The following OTOGL variants were observed in gnomAD, a reference collection of about 807,000 sequenced individuals.
The protein encoded by OTOGL is otogelin like.
OTOGL carries 285 observed loss-of-function variants against 318.5 expected under a neutral mutation model. The observed-to-expected ratio is 0.89, with a 90% CI of 0.81 to 0.99. The LOEUF (loss-of-function observed/expected upper bound fraction) is 0.99, where lower values mean the gene tolerates loss of function less well. OTOGL is among the 50% of genes least tolerant of loss of function. OTOGL has a pLI of 0.00. For synonymous variants in OTOGL, 987 were observed against 936.5 expected, an observed-to-expected ratio of 1.05 and a Z score of -0.99; for missense variants, 2,899 against 2,845.6, an observed-to-expected ratio of 1.02 and a Z score of -0.43.
In OTOGL at chr12:80,339,298, G is replaced by GTTTTTTTTTT. The variant is rs10715159; in HGVS notation, c.5050+50_5050+59dup. ...TGCCCTTCAAATCTTGATTTCGTCT[G>GTTTTTTTTTT]TTTTTTTTTTTTTTTTTTTTTTTTT... On this transcript the variant is annotated intron_variant, in intron 43 of 58. Transcript: ENST00000547103. 375 of 537,954 alleles carry GTTTTTTTTTT rather than the reference G, an allele frequency of 7.0e-4. 1 individual carries two copies. Among genetic ancestry groups the GTTTTTTTTTT allele is most frequent in the South Asian group, 2.4e-3 (76 of 31,310 alleles). 33.3% of individuals were successfully genotyped at this position (537,954 alleles called of 1,614,324 possible). A position where few individuals can be genotyped will look rare whatever the true frequency, so the allele number is the denominator to read the frequency against.
chr12:80,303,783 G>T (rs1456792051), intron 28 of OTOGL, among the ~76,000 whole-genome samples: 1 of 152,078 alleles, frequency 6.6e-6, no homozygotes, highest in Admixed American at 6.5e-5. Context: ...GAACAGCTTG[G>T]GAGAAACCAC....
intron 27 of OTOGL, among the ~76,000 whole-genome samples, chr12:80,298,422 A>G (rs1280170273): frequency 6.6e-6 from 1 of 152,162 alleles, no homozygotes. Context: ...CAGCTTTTAC[A>G]TCTGTAAATT....
At chr12:80,116,247 C>T (rs762482603) in intron 1 of OTOGL, among the ~76,000 whole-genome samples, 18 of 152,144 alleles carry the variant, frequency 1.2e-4, no homozygotes, top group African/African-American at 3.9e-4. Context: ...GTATCTGGGC[C>T]GGATAGCACC....
At chr12:80,184,822 C>A (rs1487926322) in intron 1 of OTOGL, among the ~76,000 whole-genome samples, 2 of 152,044 alleles carry the variant, frequency 1.3e-5, no homozygotes, top group East Asian at 3.8e-4. Flanking sequence ...CAAAAAGGGT[C>A]AAAAATAAAC....
At chr12:80,160,211 C>T (rs75927414) in intron 1 of OTOGL, among the ~76,000 whole-genome samples, 8,916 of 151,768 alleles carry the variant, frequency 0.059, 838 homozygotes, top group African/African-American at 0.2. Flanking sequence ...ACCAAGAACC[C>T]AAAGCAAATG....
chr12:80,249,311 C>G (rs1246896708), intron 11 of OTOGL, among the ~76,000 whole-genome samples: 2 of 151,342 alleles, frequency 1.3e-5, no homozygotes, highest in African/African-American at 4.9e-5. Context: ...TACTTTTGGT[C>G]TTTGATGATG....
Position 80,339,146 on chromosome 12 carries a change from A to G in OTOGL, c.4932A>G (p.Ser1644=). The change falls in exon 43 of 59, where the codon TCA becomes TCG. Residue 1644 remains serine (S), a synonymous_variant. Transcript: ENST00000547103. ...SQELSIEDSG[S]MYVITTPAGL... ...AACTGTCCATAGAGGATTCTGGTTC[A>G]ATGTATGTAATTACTACTCCAGCTG... The G allele has an allele frequency of 6.2e-7, 1 of 1,611,122 alleles. No individual in the cohort carries two copies. The highest frequency in any genetic ancestry group is 8.5e-7 in the Non-Finnish European group (1 of 1,177,498).
In OTOGL at chr12:80,370,636, A is replaced by G; in HGVS notation, c.6682A>G (p.Ile2228Val). Residue 2228 changes from isoleucine to valine, a missense_variant, in exon 56 of 59, where the codon ATT becomes GTT. This residue lies in a region of OTOGL where 289 missense variants were observed against 304.6 expected (regional missense o/e 0.95). Coordinates refer to ENST00000547103, the MANE Select transcript of OTOGL (RefSeq NM_001378609.3). ...ECVKTDEGAI[I>V]LNYTMVCPPF... ...TGTTAAAACTGATGAAGGAGCAATA[A>G]TTCTGAACTACACAATGGTCTGTCC... 1.9e-6 allele frequency: 3 copies of G among 1,596,644 alleles called. No individual in the cohort carries two copies. The highest frequency in any genetic ancestry group is 2.6e-6 in the Non-Finnish European group (3 of 1,168,570).
chr12:80,253,957 T>A (rs1881799877), intron 14 of OTOGL, among the ~76,000 whole-genome samples: 1 of 152,128 alleles, frequency 6.6e-6, no homozygotes. Flanking sequence ...TAGAATTCCA[T>A]ATTAAATTTG....
At chr12:80,204,204 A>T (rs1876658387) in intron 1 of OTOGL, among the ~76,000 whole-genome samples, 1 of 152,264 alleles carries the variant, frequency 6.6e-6, no homozygotes, top group East Asian at 1.9e-4. Flanking sequence ...CTTCTAAGTT[A>T]TGTTTTCATA....
intron 1 of OTOGL, among the ~76,000 whole-genome samples, chr12:80,183,406 G>A (rs1296740726): frequency 6.6e-6 from 1 of 152,162 alleles, no homozygotes; most frequent in Non-Finnish European, 1.5e-5. Context: ...GTTTCTTTTG[G>A]TCTTGAGAAA....
rs531288405 is a variant in OTOGL at position 80,219,903 on chromosome 12, T to C, written c.325T>C (p.Cys109Arg). 5 of 1,568,362 alleles carry C rather than the reference T, an allele frequency of 3.2e-6. No homozygotes were observed. The highest frequency in any genetic ancestry group is 2.7e-5 in the African/African-American group (2 of 74,260). ...CQIFQALGTR[C>R]QIIPNMGNGR... The stretch of plus-strand genomic sequence containing the variant: ...AATATTTCAGGCTCTTGGGACAAGA[T>C]GCCAGATCAGTAAGTTTCAGGGATG... The change falls in exon 6 of 59, where the codon TGC becomes CGC. Residue 109 changes from cysteine to arginine, a missense_variant. Around this residue, in one of 3 missense-constraint regions of OTOGL, gnomAD observed 2,607 missense variants for 2,524.9 expected, o/e 1.03. Coordinates refer to ENST00000547103, the MANE Select transcript of OTOGL (RefSeq NM_001378609.3).
chr12:80,134,322 C>G (rs981482559), intron 1 of OTOGL, among the ~76,000 whole-genome samples: 2 of 152,198 alleles, frequency 1.3e-5, no homozygotes, highest in Non-Finnish European at 2.9e-5. Flanking sequence ...TCTTAAAGGG[C>G]ACTTCTTTAG....
At chr12:80,377,816 A>G (rs1891248736) in intron 58 of OTOGL, 32 bp from the exon 59 acceptor site, 2 of 1,511,530 alleles carry the variant, frequency 1.3e-6, no homozygotes, top group African/African-American at 2.8e-5. Context: ...TTAAAAGTTT[A>G]AGACTTTTTT....
At chr12:80,303,881 C>T (rs982300434) in intron 28 of OTOGL, among the ~76,000 whole-genome samples, 20 of 152,154 alleles carry the variant, frequency 1.3e-4, no homozygotes, top group African/African-American at 1.7e-4. Flanking sequence ...GGACACAGAG[C>T]CAAGCCATGT....
intron 11 of OTOGL, among the ~76,000 whole-genome samples, chr12:80,241,355 T>C (rs1268301291): frequency 6.6e-6 from 1 of 152,146 alleles, no homozygotes; most frequent in Non-Finnish European, 1.5e-5. Flanking sequence ...GAACCCCCAC[T>C]CTGCCTAAAA....
intron 1 of OTOGL, among the ~76,000 whole-genome samples, chr12:80,203,864 C>T (rs934471863): frequency 3.3e-5 from 5 of 152,090 alleles, no homozygotes; most frequent in African/African-American, 1.2e-4. Flanking sequence ...ATATGAGATG[C>T]CGTGAAGGAT....
At chr12:80,250,031 G>T (rs937663953) in intron 11 of OTOGL, among the ~76,000 whole-genome samples, 2 of 151,992 alleles carry the variant, frequency 1.3e-5, no homozygotes, top group East Asian at 3.9e-4. Flanking sequence ...GCTCGCGCAC[G>T]GTGCGCGCAC....
At chr12:80,155,584 C>T (rs1321100899) in intron 1 of OTOGL, among the ~76,000 whole-genome samples, 1 of 152,074 alleles carries the variant, frequency 6.6e-6, no homozygotes, top group Non-Finnish European at 1.5e-5. Context: ...TATGGGGTAT[C>T]CATCCCCTCA....
Sources: gnomAD v4.1 joint callset for allele counts (sites outside exome capture counted in the v4.1 genomes callset) on GRCh38, gnomAD v4.1.1 for gene constraint, gnomAD v4.1.1 regional missense constraint, MANE v1.5 for transcripts, NCBI Gene and HGNC (gene_info 2026-07-23, HGNC 2026-07-21) for gene names.